The following RBPJ variants were observed in gnomAD, a reference collection of about 807,000 sequenced individuals.
The protein encoded by RBPJ is recombining binding protein suppressor of hairless.
Under a neutral mutation model 67.8 loss-of-function variants are expected in RBPJ, and 9 were observed. The observed-to-expected ratio is 0.13, with a 90% CI of 0.08 to 0.23. RBPJ has a LOEUF of 0.23. Ranked by LOEUF, RBPJ falls within the 10% of genes least tolerant of loss-of-function variation. The probability of loss-of-function intolerance (pLI) is 1.00; values close to 1 mark genes in which losing one functional copy is unlikely to be tolerated. For synonymous variants in RBPJ, 198 were observed against 203.3 expected (o/e 0.97, Z 0.22); for missense variants, 305 against 595.6 (o/e 0.51, Z 5.08).
In RBPJ at chr4:26,334,081, C is replaced by T. The variant is rs1215337089; in HGVS notation, c.20+13033C>T. ...TTTTTGATGGAGTCTCGCTCCGTCG[C>T]CCAGGCTGGAGCGCAGTGATGCTAT... On this transcript the variant is annotated intron_variant, in intron 1 of 10. Transcript: ENST00000355476. 2.6e-5 allele frequency among the ~76,000 whole-genome samples: 4 copies of T among 151,738 alleles called. No individual in the cohort carries two copies. In the East Asian group the frequency reaches 7.8e-4, roughly 29 times the overall value.
the RBPJ span, among the ~76,000 whole-genome samples, chr4:26,111,504 A>G: frequency 4.6e-5 from 7 of 152,204 alleles, no homozygotes; most frequent in African/African-American, 1.7e-4. Flanking sequence ...AAGCTTTGCA[A>G]TTTCACAGCA....
intron 2 of RBPJ, among the ~76,000 whole-genome samples, chr4:26,396,631 A>G (rs185322922): frequency 6.6e-6 from 1 of 152,392 alleles, no homozygotes; most frequent in Non-Finnish European, 1.5e-5. Flanking sequence ...ATTGCTCTCA[A>G]TGTAACGGCC....
the RBPJ span, among the ~76,000 whole-genome samples, chr4:26,109,456 C>A: frequency 0.018 from 331 of 18,478 alleles, 13 homozygotes; most frequent in Non-Finnish European, 0.025. Context: ...CTCTCTCTCT[C>A]TCTCTATATA....
intron 1 of RBPJ, among the ~76,000 whole-genome samples, chr4:26,336,810 G>T (rs776622792): frequency 4.6e-5 from 7 of 151,948 alleles, no homozygotes; most frequent in Admixed American, 6.5e-5. Context: ...AGGAAAAAAC[G>T]TAATTCTACC....
intron 1 of RBPJ, among the ~76,000 whole-genome samples, chr4:26,363,047 A>C (rs766310629): frequency 1.3e-4 from 20 of 152,210 alleles, no homozygotes; most frequent in Non-Finnish European, 2.5e-4. Context: ...TAATTTGATC[A>C]AACAAAACAA....
the RBPJ span, among the ~76,000 whole-genome samples, chr4:26,109,460 C>CTCTCTCTCTATA: frequency 6.8e-5 from 1 of 14,704 alleles, no homozygotes; most frequent in East Asian, 1.6e-3. Context: ...CTCTCTCTCT[C>CTCTCTCTCTATA]TATATATATA....
chr4:26,177,214 G>A (rs571374845), intron 1 of RBPJ, among the ~76,000 whole-genome samples: 4 of 152,274 alleles, frequency 2.6e-5, no homozygotes, highest in East Asian at 1.9e-4. Flanking sequence ...CAAGCCTTTC[G>A]CTCTAGCTCG....
chr4:26,247,941 A>C (rs1719981816), intron 1 of RBPJ, among the ~76,000 whole-genome samples: 1 of 152,172 alleles, frequency 6.6e-6, no homozygotes, highest in Admixed American at 6.5e-5. Flanking sequence ...CCTCAGCATC[A>C]CACAATATAT....
At chr4:26,404,964 A>T (rs1328171811) in intron 2 of RBPJ, among the ~76,000 whole-genome samples, 1 of 152,078 alleles carries the variant, frequency 6.6e-6, no homozygotes, top group East Asian at 1.9e-4. Context: ...CTCTACTTGG[A>T]TTATTGCATT....
intron 1 of RBPJ, among the ~76,000 whole-genome samples, chr4:26,247,536 G>A (rs555929793): frequency 3.3e-5 from 5 of 152,074 alleles, no homozygotes; most frequent in African/African-American, 7.2e-5. Context: ...TCGGCCTCCC[G>A]AGTAGCTAGG....
chr4:26,426,630 C>G (rs1406747950), intron 7 of RBPJ, among the ~76,000 whole-genome samples: 1 of 152,026 alleles, frequency 6.6e-6, no homozygotes, highest in Non-Finnish European at 1.5e-5. Flanking sequence ...GATGAAAAAA[C>G]AAAACAAGAT....
chr4:26,159,957 C>A (rs1420489555), upstream of RBPJ, among the ~76,000 whole-genome samples: 2 of 151,136 alleles, frequency 1.3e-5, no homozygotes, highest in Non-Finnish European at 2.9e-5. Flanking sequence ...CTCACTCTAT[C>A]GCCCAGGCTG....
At chr4:26,210,743 C>CTTTA (rs59467495) in intron 1 of RBPJ, among the ~76,000 whole-genome samples, 2 of 70,426 alleles carry the variant, frequency 2.8e-5, no homozygotes, top group African/African-American at 1.1e-4. Flanking sequence ...TTACTTCTTT[C>CTTTA]CTTCTTTCCT....
rs1338607183 is a variant in RBPJ at position 26,268,743 on chromosome 4, A to C, written c.-166-93703A>C. Among the ~76,000 whole-genome samples the C allele has an allele frequency of 1.3e-4, 19 of 150,664 alleles. No homozygotes were observed. In the Admixed American group the frequency reaches 1.3e-3, roughly 10 times the overall value. On this transcript the variant is annotated intron_variant, in intron 1 of 4. Transcript: ENST00000512351. ...TAAGGTCAAGCCTGGCTGAGGGGGG[A>C]GGGGCAGCTGCAGCAGAGGCGGGAG...
At chr4:26,307,771 T>G (rs1387988532) in intron 1 of RBPJ, among the ~76,000 whole-genome samples, 2 of 152,206 alleles carry the variant, frequency 1.3e-5, no homozygotes, top group African/African-American at 4.8e-5. Flanking sequence ...CCAAAGTACT[T>G]AGATGAAAAA....
chr4:26,207,808 A>G (rs564786808), intron 1 of RBPJ, among the ~76,000 whole-genome samples: 25 of 152,334 alleles, frequency 1.6e-4, no homozygotes, highest in African/African-American at 5.5e-4. Context: ...GCACTTGGAC[A>G]CAGCAATGGG....
At chr4:26,125,616 T>G in the RBPJ span, among the ~76,000 whole-genome samples, 1 of 152,056 alleles carries the variant, frequency 6.6e-6, no homozygotes, top group Admixed American at 6.5e-5. Context: ...CTGGCCAACA[T>G]GGTGAAACCC....
chr4:26,112,969 G>A, the RBPJ span: 3 of 153,572 alleles, frequency 2.0e-5, no homozygotes, highest in African/African-American at 7.2e-5. Context: ...GGCCAGGCAG[G>A]ATTCAAACTC....
intron 1 of RBPJ, among the ~76,000 whole-genome samples, chr4:26,350,414 C>T (rs1726674415): frequency 6.7e-6 from 1 of 150,360 alleles, no homozygotes. Flanking sequence ...TCTGCCATGA[C>T]AGGAAGGACA....
Sources: gnomAD v4.1 joint callset for allele counts (sites outside exome capture counted in the v4.1 genomes callset) on GRCh38, gnomAD v4.1.1 for gene constraint, MANE v1.5 for transcripts, NCBI Gene and HGNC (gene_info 2026-07-23, HGNC 2026-07-21) for gene names.